The following MTHFD1L variants were observed in gnomAD, a reference collection of about 807,000 sequenced individuals.
MTHFD1L encodes the protein monofunctional C1-tetrahydrofolate synthase, mitochondrial.
In MTHFD1L, 81 loss-of-function variants were observed where a neutral mutation model predicts 119.5. The observed-to-expected ratio is 0.68, with a 90% confidence interval of 0.57 to 0.82. The LOEUF (loss-of-function observed/expected upper bound fraction) is 0.82. MTHFD1L is among the 40% of genes least tolerant of loss of function. MTHFD1L has a pLI of 0.00. For synonymous variants in MTHFD1L, 430 were observed against 475.2 expected (o/e 0.90, Z 1.24); for missense variants, 1,125 against 1,253.4 (o/e 0.90, Z 1.55).
chr6:150,960,480 G>A (rs578080448), intron 18 of MTHFD1L, 65 bp downstream of exon 18: 1 of 1,520,526 alleles, frequency 6.6e-7, no homozygotes, highest in Admixed American at 2.2e-5. Context: ...ACCAGAAAAA[G>A]AAAGGTTTTC....
intron 16 of MTHFD1L, among the ~76,000 whole-genome samples, chr6:150,949,583 T>C (rs1794557096): frequency 6.6e-6 from 1 of 152,170 alleles, no homozygotes; most frequent in South Asian, 2.1e-4. Context: ...TGCTGGATTT[T>C]CCTCCAAGTC....
chr6:150,896,640 C>T (rs2128810646), intron 7 of MTHFD1L, among the ~76,000 whole-genome samples: 1 of 152,240 alleles, frequency 6.6e-6, no homozygotes, highest in South Asian at 2.1e-4. Context: ...CACCACTTTC[C>T]CCTCTTGCTT....
At chr6:150,936,212 T>TA (rs35523700) in intron 11 of MTHFD1L, among the ~76,000 whole-genome samples, 20,668 of 152,214 alleles carry the variant, frequency 0.14, 2,159 homozygotes, top group East Asian at 0.5. Flanking sequence ...TTTTGAACTG[T>TA]AACAGCTGTC....
At position 150,913,167 on chromosome 6, in the gene MTHFD1L, A is replaced by AT. The variant is rs1230704294; in HGVS notation, c.893-5399dup. Among the ~76,000 whole-genome samples, 662 of 145,700 alleles carry AT rather than the reference A, an allele frequency of 4.5e-3. 1 individual carries two copies. The highest frequency in any genetic ancestry group is 0.015 in the African/African-American group (613 of 39,850). Reference sequence around the variant, plus strand: ...AGACATATGCCACCATGCCCAACTAATTTTTTTTTTTGAGGCAGAGTCTCG... The same window carrying AT: ...AGACATATGCCACCATGCCCAACTAATTTTTTTTTTTTGAGGCAGAGTCTCG... On this transcript the variant is annotated intron_variant, in intron 8 of 27. Transcript: ENST00000367321.
intron 25 of MTHFD1L, among the ~76,000 whole-genome samples, chr6:151,035,701 T>G (rs994715280): frequency 3.3e-5 from 5 of 152,224 alleles, no homozygotes; most frequent in Admixed American, 2.0e-4. Flanking sequence ...ATAATGATAT[T>G]TAAGACTATC....
At chr6:150,930,424 C>A (rs1040123164) in intron 11 of MTHFD1L, among the ~76,000 whole-genome samples, 1 of 152,130 alleles carries the variant, frequency 6.6e-6, no homozygotes, top group Non-Finnish European at 1.5e-5. Context: ...ATATAAATGA[C>A]CCCTCCATTA....
chr6:150,902,969 C>T (rs368470210), intron 7 of MTHFD1L, among the ~76,000 whole-genome samples: 2 of 152,036 alleles, frequency 1.3e-5, no homozygotes, highest in East Asian at 1.9e-4. Context: ...TGCAGAACTG[C>T]GACAAAGCTT....
At chr6:151,010,234 G>C (rs906230092) in intron 21 of MTHFD1L, among the ~76,000 whole-genome samples, 3 of 152,110 alleles carry the variant, frequency 2.0e-5, no homozygotes, top group Non-Finnish European at 4.4e-5. Context: ...CAATATTTTG[G>C]AAAGGAGCAT....
At chr6:151,030,681 A>G (rs920809179) in intron 24 of MTHFD1L, among the ~76,000 whole-genome samples, 1 of 152,176 alleles carries the variant, frequency 6.6e-6, no homozygotes, top group Non-Finnish European at 1.5e-5. Flanking sequence ...TTTTCTTATC[A>G]TCTTGTGTGG....
chr6:151,067,257 A>C (rs571068015), intron 26 of MTHFD1L, among the ~76,000 whole-genome samples: 8 of 151,726 alleles, frequency 5.3e-5, no homozygotes, highest in African/African-American at 1.9e-4. Flanking sequence ...CATCGATTTG[A>C]TTATTATAAA....
chr6:150,919,733 C>G (rs175857), intron 9 of MTHFD1L, among the ~76,000 whole-genome samples: 8,304 of 152,184 alleles, frequency 0.055, 259 homozygotes, highest in Middle Eastern at 0.092. Context: ...AGGACGCTAC[C>G]GAGGGAGATG....
At chr6:150,884,851 A>T (rs1421254119) in intron 5 of MTHFD1L, among the ~76,000 whole-genome samples, 1 of 152,076 alleles carries the variant, frequency 6.6e-6, no homozygotes, top group African/African-American at 2.4e-5. Flanking sequence ...CAAGGAGATA[A>T]ATATCGAGGT....
intron 26 of MTHFD1L, among the ~76,000 whole-genome samples, chr6:151,082,884 G>A (rs899803598): frequency 3.9e-5 from 6 of 152,158 alleles, no homozygotes; most frequent in Admixed American, 3.9e-4. Context: ...AATTCGTATA[G>A]GGTAGAGTCC....
At chr6:151,073,649 A>G (rs1562630310) in intron 26 of MTHFD1L, among the ~76,000 whole-genome samples, 1 of 151,888 alleles carries the variant, frequency 6.6e-6, no homozygotes, top group African/African-American at 2.4e-5. Flanking sequence ...AAAGATATAA[A>G]TCAAACTGAA....
At chr6:151,065,925 C>T (rs1791182350) in intron 26 of MTHFD1L, among the ~76,000 whole-genome samples, 1 of 152,220 alleles carries the variant, frequency 6.6e-6, no homozygotes, top group Non-Finnish European at 1.5e-5. Context: ...CAGGCAAAGA[C>T]TACTCTTCAA....
intron 27 of MTHFD1L, among the ~76,000 whole-genome samples, chr6:151,095,942 A>G (rs186954775): frequency 3.2e-4 from 48 of 152,372 alleles, no homozygotes; most frequent in African/African-American, 1.0e-3. Flanking sequence ...GAAGAGCTGC[A>G]AGAACTCTGC....
intron 17 of MTHFD1L, among the ~76,000 whole-genome samples, chr6:150,958,055 T>G (rs1716693051): frequency 6.6e-6 from 1 of 152,164 alleles, no homozygotes; most frequent in Admixed American, 6.5e-5. Context: ...TTACATATAT[T>G]AGCACAGTTC....
chr6:151,054,614 A>T (rs778098563), intron 26 of MTHFD1L, among the ~76,000 whole-genome samples: 8 of 152,166 alleles, frequency 5.3e-5, no homozygotes, highest in Non-Finnish European at 1.2e-4. Context: ...TACATCTTCA[A>T]AGATCTTGAC....
At chr6:150,867,530 A>G (rs1778615004) in intron 1 of MTHFD1L, among the ~76,000 whole-genome samples, 4 of 152,192 alleles carry the variant, frequency 2.6e-5, no homozygotes, top group South Asian at 4.1e-4. Flanking sequence ...TAGAGTCTGA[A>G]GCCAGGATAG....
Sources: gnomAD v4.1 joint callset for allele counts (sites outside exome capture counted in the v4.1 genomes callset) on GRCh38, gnomAD v4.1.1 for gene constraint, MANE v1.5 for transcripts, NCBI Gene and HGNC (gene_info 2026-07-23, HGNC 2026-07-21) for gene names.